Variants in ADARB2 observed in about 807,000 individuals in gnomAD.
ADARB2 encodes the protein inactive double-stranded RNA-specific editase B2.
Under a neutral mutation model 62.2 loss-of-function variants are expected in ADARB2, and 25 were observed. That is an observed-to-expected ratio of 0.40 (90% CI 0.29 to 0.56). The LOEUF (loss-of-function observed/expected upper bound fraction) is 0.56, where lower values mean the gene tolerates loss of function less well. Among genes scored for constraint, ADARB2 ranks in the 20% least tolerant of loss-of-function variants. The pLI is 0.43. For synonymous variants in ADARB2, 572 were observed against 500.8 expected, an observed-to-expected ratio of 1.14 and a Z score of -1.90; for missense variants, 1,071 against 1,077.4, an observed-to-expected ratio of 0.99 and a Z score of 0.08.
chr10:1,204,287 C>T (rs66463340), intron 7 of ADARB2, among the ~76,000 whole-genome samples: 23,385 of 152,196 alleles, frequency 0.15, 2,039 homozygotes, highest in East Asian at 0.27. Context: ...GACTCAATAA[C>T]ACACCTGCTA....
intron 1 of ADARB2, among the ~76,000 whole-genome samples, chr10:1,621,504 C>A (rs1312013675): frequency 3.3e-5 from 5 of 152,008 alleles, no homozygotes. Context: ...CAGCCTCGGC[C>A]TCCCAGGCTC....
rs11250530 is a variant in ADARB2, at chr10:1,457,896, G to T, written c.101-78736C>A. On this transcript the variant is annotated intron_variant, in intron 1 of 9. Coordinates refer to ENST00000381312, the MANE Select transcript of ADARB2 (RefSeq NM_018702.4). Reference sequence around the variant, plus strand: ...TCCCTCCACCCAACCCGAGGCGAATGCATCATTGGCCTTTTCCTGCACCCC... The same window carrying T: ...TCCCTCCACCCAACCCGAGGCGAATTCATCATTGGCCTTTTCCTGCACCCC... Among the ~76,000 whole-genome samples the T allele has an allele frequency of 3.3e-4, 25 of 76,054 alleles. 1 individual carries two copies. The East Asian group carries it at 3.4e-3, about 10-fold the overall frequency. 49.9% of individuals were successfully genotyped at this position (76,054 alleles called of 152,430 possible). A position where few individuals can be genotyped will look rare whatever the true frequency, so the allele number is the denominator to read the frequency against.
intron 1 of ADARB2, among the ~76,000 whole-genome samples, chr10:1,498,229 C>A (rs965040700): frequency 6.6e-6 from 1 of 151,780 alleles, no homozygotes; most frequent in Non-Finnish European, 1.5e-5. Flanking sequence ...AAAAAATTGG[C>A]CAGGCATGGT....
At chr10:1,519,043 T>C (rs1340798591) in intron 1 of ADARB2, among the ~76,000 whole-genome samples, 1 of 151,956 alleles carries the variant, frequency 6.6e-6, no homozygotes, top group Non-Finnish European at 1.5e-5. Flanking sequence ...ACGCATTCTG[T>C]GTAATGTGTG....
intron 1 of ADARB2, among the ~76,000 whole-genome samples, chr10:1,523,128 G>A (rs1313579482): frequency 1.3e-5 from 2 of 152,072 alleles, no homozygotes; most frequent in African/African-American, 2.4e-5. Flanking sequence ...ATCCAAAATC[G>A]ACAATGGCTA....
chr10:1,649,292 A>T (rs1329127948), intron 1 of ADARB2, among the ~76,000 whole-genome samples: 1 of 152,218 alleles, frequency 6.6e-6, no homozygotes, highest in Non-Finnish European at 1.5e-5. Context: ...ATAAATTGGA[A>T]TCAGGGAATT....
intron 3 of ADARB2, among the ~76,000 whole-genome samples, chr10:1,279,377 G>A (rs1589175812): frequency 6.6e-6 from 1 of 152,152 alleles, no homozygotes; most frequent in Admixed American, 6.5e-5. Context: ...GCGCAGTGGC[G>A]TGATCATAGC....
chr10:1,634,609 T>A (rs1833891159), intron 1 of ADARB2, among the ~76,000 whole-genome samples: 1 of 152,224 alleles, frequency 6.6e-6, no homozygotes, highest in Non-Finnish European at 1.5e-5. Flanking sequence ...TGTCATATAC[T>A]TGGCAAGATT....
chr10:1,201,782 T>C (rs7894097), intron 7 of ADARB2, among the ~76,000 whole-genome samples: 16 of 130,998 alleles, frequency 1.2e-4, no homozygotes, highest in African/African-American at 2.9e-4. Flanking sequence ...CGCCTGTCAC[T>C]GAGGACCTTC....
At chr10:1,422,722 C>T (rs1229238768) in intron 1 of ADARB2, among the ~76,000 whole-genome samples, 4 of 152,224 alleles carry the variant, frequency 2.6e-5, no homozygotes, top group Non-Finnish European at 5.9e-5. Context: ...GTAACAATGA[C>T]CACCCATCTG....
At chr10:1,653,529 C>T in intron 1 of ADARB2, among the ~76,000 whole-genome samples, 1 of 151,774 alleles carries the variant, frequency 6.6e-6, no homozygotes, top group Non-Finnish European at 1.5e-5. Context: ...GCAGTCTCCA[C>T]CAGACGCCTC....
intron 1 of ADARB2, among the ~76,000 whole-genome samples, chr10:1,545,133 C>T (rs935254159): frequency 6.6e-6 from 1 of 152,142 alleles, no homozygotes; most frequent in Non-Finnish European, 1.5e-5. Context: ...GCATTCTGAG[C>T]CTCTGTGTCA....
chr10:1,579,752 A>G (rs1418974346), intron 1 of ADARB2, among the ~76,000 whole-genome samples: 1 of 152,202 alleles, frequency 6.6e-6, no homozygotes, highest in African/African-American at 2.4e-5. Context: ...CTTGGCCCCA[A>G]CTGACACCTC....
chr10:1,576,054 CA>C (rs1833011937), intron 1 of ADARB2, among the ~76,000 whole-genome samples: 1 of 24,454 alleles, frequency 4.1e-5, no homozygotes, highest in African/African-American at 2.0e-4. Flanking sequence ...GGGTCAGGGT[CA>C]CAGGAGGGGG....
intron 1 of ADARB2, among the ~76,000 whole-genome samples, chr10:1,662,590 T>C (rs1376753170): frequency 6.6e-6 from 1 of 152,222 alleles, no homozygotes; most frequent in Non-Finnish European, 1.5e-5. Flanking sequence ...CCACAGCTAT[T>C]AAAAACTAGA....
intron 1 of ADARB2, among the ~76,000 whole-genome samples, chr10:1,534,090 C>T (rs561545433): frequency 1.5e-4 from 22 of 149,826 alleles, no homozygotes; most frequent in African/African-American, 5.4e-4. Flanking sequence ...AGGAGACAAA[C>T]ACTAGGGTTA....
At chr10:1,452,020 C>A (rs903547028) in intron 1 of ADARB2, among the ~76,000 whole-genome samples, 3 of 152,140 alleles carry the variant, frequency 2.0e-5, no homozygotes, top group Non-Finnish European at 4.4e-5. Context: ...CTAGGAATCA[C>A]GGATGTGGAG....
intron 1 of ADARB2, among the ~76,000 whole-genome samples, chr10:1,399,899 GCC>G (rs1044468705): frequency 1.3e-5 from 2 of 152,202 alleles, no homozygotes; most frequent in African/African-American, 4.8e-5. Context: ...GTGGGAGGCT[GCC>G]CCAAGGAAGC....
chr10:1,219,440 C>G (rs929565595), intron 6 of ADARB2, among the ~76,000 whole-genome samples: 6 of 152,178 alleles, frequency 3.9e-5, no homozygotes, highest in African/African-American at 1.2e-4. Flanking sequence ...GAAGAAAGAT[C>G]GCTGCATTCT....
Sources: gnomAD v4.1 joint callset for allele counts (sites outside exome capture counted in the v4.1 genomes callset) on GRCh38, gnomAD v4.1.1 for gene constraint, MANE v1.5 for transcripts, NCBI Gene and HGNC (gene_info 2026-07-23, HGNC 2026-07-21) for gene names.